ABR: variants seen among roughly 807,000 people sequenced by gnomAD.
ABR encodes ABR activator of RhoGEF and GTPase, also known as active breakpoint cluster region-related protein.
Under a neutral mutation model 107.2 loss-of-function variants are expected in ABR, and 35 were observed. The observed-to-expected ratio is 0.33, with a 90% CI of 0.25 to 0.43. The LOEUF (loss-of-function observed/expected upper bound fraction) is 0.43. Ranked by LOEUF, ABR falls within the 20% of genes least tolerant of loss-of-function variation. The pLI, the probability that ABR is intolerant of heterozygous loss-of-function variation, is 1.00. For synonymous variants in ABR, 498 were observed against 462.0 expected, an observed-to-expected ratio of 1.08 and a Z score of -1.00; for missense variants, 815 against 1,115.2, an observed-to-expected ratio of 0.73 and a Z score of 3.83.
intron 1 of ABR, among the ~76,000 whole-genome samples, chr17:1,194,968 T>C (rs2042522682): frequency 6.7e-6 from 1 of 148,462 alleles, no homozygotes; most frequent in Admixed American, 6.8e-5. Flanking sequence ...TTTTTTTTAA[T>C]TTTGTACAGA....
At chr17:1,141,453 C>G (rs188887132) in intron 1 of ABR, among the ~76,000 whole-genome samples, 44 of 152,298 alleles carry the variant, frequency 2.9e-4, no homozygotes, top group Non-Finnish European at 5.3e-4. Flanking sequence ...CCTCAGTTTT[C>G]TCATCTCTAA....
At chr17:1,184,289 A>G (rs926491206), upstream of ABR, among the ~76,000 whole-genome samples, 4 of 152,088 alleles carry the variant, frequency 2.6e-5, no homozygotes, top group African/African-American at 4.8e-5. Context: ...CCCCGTCCCT[A>G]CTAAATATAC....
At chr17:1,226,639 A>T (rs988156427) in intron 1 of ABR, among the ~76,000 whole-genome samples, 3 of 148,066 alleles carry the variant, frequency 2.0e-5, no homozygotes, top group African/African-American at 7.6e-5. Flanking sequence ...TGTACATGTG[A>T]AGGTGTGAAT....
At position 1,091,696 on chromosome 17, in the gene ABR, T is replaced by C; in HGVS notation, c.500A>G (p.Gln167Arg). ...LCPKVQQWDS[Q>R]VTMGHLFQKL... Reference sequence around the variant, plus strand: ...CTGGAAGAGGTGGCCCATGGTGACCTGGCTGTCCCACTGTTGCACCTTGGG... The same window carrying C: ...CTGGAAGAGGTGGCCCATGGTGACCCGGCTGTCCCACTGTTGCACCTTGGG... Residue 167 changes from glutamine to arginine, a missense_variant, in exon 4 of 23, where the codon CAG becomes CGG. Physicochemically the swap from Gln to Arg is conservative, Grantham distance 43. Around this residue, in one of 5 missense-constraint regions of ABR, gnomAD observed 385 missense variants for 596.9 expected, o/e 0.64. Coordinates refer to ENST00000302538, the MANE Select transcript of ABR (RefSeq NM_021962.5). 16 of 1,614,084 alleles carry C rather than the reference T, an allele frequency of 9.9e-6. No individual in the cohort carries two copies. The highest frequency in any genetic ancestry group is 1.4e-5 in the Non-Finnish European group (16 of 1,179,952).
At chr17:1,197,473 C>T (rs57797499) in intron 1 of ABR, among the ~76,000 whole-genome samples, 4,281 of 151,750 alleles carry the variant, frequency 0.028, 130 homozygotes, top group East Asian at 0.12. Context: ...GGAGCCTCCT[C>T]GGATCTTAGC....
At chr17:1,025,508 G>A (rs1351966460) in intron 16 of ABR, among the ~76,000 whole-genome samples, 2 of 152,146 alleles carry the variant, frequency 1.3e-5, no homozygotes, top group African/African-American at 4.8e-5. Flanking sequence ...GTCCTGAACC[G>A]CAGGGCCCCA....
chr17:1,069,945 G>T, intron 9 of ABR, 24 bp downstream of exon 9: 1 of 327,580 alleles, frequency 3.1e-6, no homozygotes, highest in East Asian at 1.1e-4. Context: ...CCCCCGCCCC[G>T]TGCCCCTGGA....
chr17:1,050,633 G>A lies in ABR; in HGVS notation c.1563C>T (p.Asn521=). 2 of 1,613,496 alleles carry A rather than the reference G, an allele frequency of 1.2e-6. No individual in the cohort carries two copies. The highest frequency in any genetic ancestry group is 1.1e-5 in the South Asian group (1 of 91,070). The change falls in exon 15 of 23, where the codon AAC becomes AAT. Residue 521 remains asparagine, a splice_region_variant and synonymous_variant. Transcript: ENST00000302538. The surrounding 1 kb of genome is among the most constrained non-coding windows in gnomAD (Gnocchi z 4.6). ...HSAKGFKQSA[N]LYCTLEVDSF... ...AATCCACCTCCAGGGTACAGTACAG[G>A]TCTGTGGGGGAAGGACAGACGGAGA...
At chr17:1,059,695 G>A (rs62067862) in intron 10 of ABR, among the ~76,000 whole-genome samples, 10 of 152,154 alleles carry the variant, frequency 6.6e-5, no homozygotes, top group Admixed American at 1.3e-4. Flanking sequence ...TGTCTGTTTC[G>A]TAAAGGACCC....
chr17:1,040,643 C>CA, intron 16 of ABR, among the ~76,000 whole-genome samples: 1 of 152,214 alleles, frequency 6.6e-6, no homozygotes, highest in Non-Finnish European at 1.5e-5. Flanking sequence ...AAGTGACACC[C>CA]AGAACCACTG....
At chr17:1,052,078 A>C (rs2032612495) in intron 14 of ABR, among the ~76,000 whole-genome samples, 1 of 151,720 alleles carries the variant, frequency 6.6e-6, no homozygotes, top group Non-Finnish European at 1.5e-5. Flanking sequence ...TCTCAAAAAA[A>C]AAAAAACCAA....
chr17:1,026,483 G>A (rs750012124), intron 16 of ABR, among the ~76,000 whole-genome samples: 5 of 152,210 alleles, frequency 3.3e-5, no homozygotes, highest in Non-Finnish European at 7.4e-5. Flanking sequence ...CGGCTCAGGA[G>A]CTGGTTCCGC....
intron 1 of ABR, among the ~76,000 whole-genome samples, chr17:1,145,040 T>G (rs2040472549): frequency 6.6e-6 from 1 of 151,430 alleles, no homozygotes; most frequent in South Asian, 2.1e-4. Context: ...TAAATAAAAA[T>G]AAAGGAAAAA....
chr17:1,164,726 G>A (rs1034680441), intron 1 of ABR, among the ~76,000 whole-genome samples: 1 of 152,060 alleles, frequency 6.6e-6, no homozygotes, highest in African/African-American at 2.4e-5. Context: ...GAGTGCAGAG[G>A]CATGATCTCA....
At position 1,179,817 on chromosome 17, in the gene ABR, T is replaced by G; in HGVS notation, c.-90A>C. 6 of 1,303,802 alleles carry G rather than the reference T, an allele frequency of 4.6e-6. No homozygotes were observed. The highest frequency in any genetic ancestry group is 4.0e-6 in the Non-Finnish European group (4 of 1,002,678). 80.8% of individuals were successfully genotyped at this position (1,303,802 alleles called of 1,614,324 possible). Reference sequence around the variant, plus strand: ...GGGCGGGAGCCGGGGGAGGCCGAAGTTGCGAGCGCGGAGGGGCGAGGAGGC... The same window carrying G: ...GGGCGGGAGCCGGGGGAGGCCGAAGGTGCGAGCGCGGAGGGGCGAGGAGGC... On this transcript the variant is annotated 5_prime_UTR_variant, in exon 1 of 23. Coordinates refer to ENST00000302538, the MANE Select transcript of ABR (RefSeq NM_021962.5). This position sits in a 1 kb window ranked among gnomAD's most constrained non-coding sequence, Gnocchi z 4.9.
At chr17:1,088,913 T>G (rs1163671351) in intron 4 of ABR, among the ~76,000 whole-genome samples, 1 of 146,284 alleles carries the variant, frequency 6.8e-6, no homozygotes, top group Non-Finnish European at 1.5e-5. Flanking sequence ...TTTTTTTTTT[T>G]GAGACAGAGT....
chr17:1,148,221 C>T lies in ABR; in HGVS notation c.62-22854G>A, dbSNP rs2040635194. 6.6e-6 allele frequency among the ~76,000 whole-genome samples: 1 copy of T among 152,226 alleles called. No individual in the cohort carries two copies. The highest frequency in any genetic ancestry group is 1.5e-5 in the Non-Finnish European group (1 of 68,046). On this transcript the variant is annotated intron_variant, in intron 1 of 22. Transcript: ENST00000302538. This position sits in a 1 kb window ranked among gnomAD's most constrained non-coding sequence, Gnocchi z 4.9. ...GTGTCTATGGGTGGATGAATGGATA[C>T]ACAAAACGCGGCCTTTACATAAAAC...
chr17:1,046,172 ATTT>A (rs2031561342), intron 16 of ABR, among the ~76,000 whole-genome samples: 1 of 150,040 alleles, frequency 6.7e-6, no homozygotes, highest in Non-Finnish European at 1.5e-5. Context: ...CCCCTGGCTA[ATTT>A]TTATATTTCT....
At position 1,037,118 on chromosome 17, in the gene ABR, C is replaced by CCCAT. The variant is rs2073256872; in HGVS notation, c.1791+12928_1791+12931dup. ...ATCCATCCATCCATCCACCCACCCA[C>CCCAT]CCATCCATCCAGGTGGGGCTGGGAG... is the stretch of plus-strand genomic sequence containing the variant. On this transcript the variant is annotated intron_variant, in intron 16 of 22. Transcript: ENST00000302538. The surrounding 1 kb of genome is among the most constrained non-coding windows in gnomAD (Gnocchi z 4.6). Among the ~76,000 whole-genome samples the CCCAT allele has an allele frequency of 6.6e-6, 1 of 151,398 alleles. No homozygotes were observed. The highest frequency in any genetic ancestry group is 2.4e-5 in the African/African-American group (1 of 41,220).
Sources: gnomAD v4.1 joint callset for allele counts (sites outside exome capture counted in the v4.1 genomes callset) on GRCh38, gnomAD v4.1.1 for gene constraint, gnomAD v4.1.1 regional missense constraint, Gnocchi (gnomAD v3.1) non-coding constraint, MANE v1.5 for transcripts, NCBI Gene and HGNC (gene_info 2026-07-23, HGNC 2026-07-21) for gene names.